Variants in COL4A3 observed in about 807,000 individuals in gnomAD.
The protein encoded by COL4A3 is collagen type IV alpha 3 chain.
In COL4A3, 135 loss-of-function variants were observed where a neutral mutation model predicts 217.4. The ratio of observed to expected loss-of-function variants is 0.62; its 90% CI spans 0.54 to 0.72. The LOEUF (loss-of-function observed/expected upper bound fraction) is 0.72, where lower values mean the gene tolerates loss of function less well. COL4A3 is among the 30% of genes least tolerant of loss of function. The pLI is 0.00. For synonymous variants in COL4A3, 690 were observed against 736.3 expected (o/e 0.94, Z 1.02); for missense variants, 1,868 against 2,119.9 (o/e 0.88, Z 2.33).
intron 1 of COL4A3, among the ~76,000 whole-genome samples, chr2:227,189,834 C>G (rs754694514): frequency 2.6e-5 from 4 of 152,198 alleles, no homozygotes; most frequent in African/African-American, 4.8e-5. Context: ...CTTGTCTTCA[C>G]ATGATGTCTG....
chr2:227,202,746 A>AATATAT (rs56134612), intron 1 of COL4A3, among the ~76,000 whole-genome samples: 2 of 22,218 alleles, frequency 9.0e-5, no homozygotes, highest in African/African-American at 1.2e-4. Context: ...AAAAAAAAAA[A>AATATAT]ATATATATAT....
In COL4A3 at chr2:227,248,506, G is replaced by A. The variant is rs188324379; in HGVS notation, c.532G>A (p.Ala178Thr). 74 of 1,612,546 alleles carry A rather than the reference G, an allele frequency of 4.6e-5. No individual in the cohort carries two copies. In the African/African-American group the frequency reaches 9.3e-4, roughly 20 times the overall value. Residue 178 changes from alanine (A) to threonine (T), a missense_variant, in exon 9 of 52, where the codon GCT becomes ACT. Physicochemically the swap from Ala to Thr is moderately conservative, Grantham distance 58. Around this residue, in one of 2 missense-constraint regions of COL4A3, gnomAD observed 365 missense variants for 333.8 expected, o/e 1.09. Transcript: ENST00000396578. ...DAKGDPGLPG[A>T]PGPQGLPGPP... ...AAAAGGCGACCCCGGGTTGCCAGGGGCTCCAGGACCCCAGGTACAGCACTT... is the reference window on the plus strand; with the variant it reads ...AAAAGGCGACCCCGGGTTGCCAGGGACTCCAGGACCCCAGGTACAGCACTT...
At chr2:227,268,761 G>A (rs372038763) in intron 23 of COL4A3, 6 of 152,018 alleles carry the variant, frequency 3.9e-5, no homozygotes, top group Admixed American at 6.5e-5. Flanking sequence ...AATATCCAGC[G>A]GAAATGTTCT....
chr2:227,178,533 TA>T (rs202101321), intron 1 of COL4A3, among the ~76,000 whole-genome samples: 1 of 145,730 alleles, frequency 6.9e-6, no homozygotes. Flanking sequence ...GTAATGTCAT[TA>T]TTTTATTTTA....
chr2:227,305,417 T>C, intron 47 of COL4A3: 1 of 303,224 alleles, frequency 3.3e-6, no homozygotes, highest in Non-Finnish European at 6.5e-6. Context: ...TTAATAATTA[T>C]TTATAGGAGC....
At chr2:227,294,907 A>C in intron 39 of COL4A3, 57 bp from the exon 40 acceptor site, 1 of 1,373,978 alleles carries the variant, frequency 7.3e-7, no homozygotes, top group South Asian at 1.2e-5. Context: ...GCAAGAAATA[A>C]ATCCTCTTTT....
At position 227,280,886 on chromosome 2, in the gene COL4A3, T is replaced by C. The variant is rs2071915704; in HGVS notation, c.2375-7T>C. 1 of 1,547,460 alleles carries C rather than the reference T, an allele frequency of 6.5e-7. No individual in the cohort carries two copies. Among genetic ancestry groups the C allele is most frequent in the East Asian group, 2.4e-5 (1 of 41,022 alleles). ...ACCTGGGTATATACTTGTGCTTTCTTTTGCAGGAGATCCAGGGCAGCCTGG... is the reference window on the plus strand; with the variant it reads ...ACCTGGGTATATACTTGTGCTTTCTCTTGCAGGAGATCCAGGGCAGCCTGG... On this transcript the variant is annotated splice_region_variant and splice_polypyrimidine_tract_variant and intron_variant, in intron 30 of 51. Transcript: ENST00000396578.
rs2066229002 is a variant in COL4A3, at chr2:227,191,250, G to T, written c.87+26437G>T. Among the ~76,000 whole-genome samples, 1 of 151,856 alleles carries T rather than the reference G, an allele frequency of 6.6e-6. No individual in the cohort carries two copies. The highest frequency in any genetic ancestry group is 2.4e-5 in the African/African-American group (1 of 41,368). ...TGCCAATGACACTCTGCTTGATTTGGAAGTACATTCCTCGTACACATTCCC... is the reference window on the plus strand; with the variant it reads ...TGCCAATGACACTCTGCTTGATTTGTAAGTACATTCCTCGTACACATTCCC... On this transcript the variant is annotated intron_variant, in intron 1 of 51. Transcript: ENST00000396578. The surrounding 1 kb of genome is among the most constrained non-coding windows in gnomAD (Gnocchi z 6.8).
chr2:227,168,751 CT>C (rs2065366067), intron 1 of COL4A3, among the ~76,000 whole-genome samples: 1 of 151,972 alleles, frequency 6.6e-6, no homozygotes, highest in African/African-American at 2.4e-5. Flanking sequence ...TAGTTTAGCT[CT>C]TTTACAGTTA....
In COL4A3 at chr2:227,250,193, G is replaced by A. The variant is rs1235633608; in HGVS notation, c.547-947G>A. On this transcript the variant is annotated intron_variant, in intron 9 of 51. Coordinates refer to ENST00000396578, the MANE Select transcript of COL4A3 (RefSeq NM_000091.5). This position sits in a 1 kb window ranked among gnomAD's most constrained non-coding sequence, Gnocchi z 4.1. The stretch of plus-strand genomic sequence containing the variant: ...CCAGGTGTGGTGGCGTGCGCCTGTA[G>A]TTCCAGCTACTTGGGAGGCTGAGGC... 2.0e-5 allele frequency among the ~76,000 whole-genome samples: 3 copies of A among 152,058 alleles called. No individual in the cohort carries two copies. The highest frequency in any genetic ancestry group is 4.8e-5 in the African/African-American group (2 of 41,394).
In COL4A3 at chr2:227,309,058, T is replaced by C. The variant is rs1574841845; in HGVS notation, c.4622T>C (p.Leu1541Pro). Residue 1541 changes from leucine to proline, a missense_variant, in exon 49 of 52, where the codon CTT (leucine) becomes CCT (proline). Around this residue, in one of 2 missense-constraint regions of COL4A3, gnomAD observed 1,503 missense variants for 1,786.1 expected, o/e 0.84. Transcript: ENST00000396578. ...ATGGCTCCCATTACTGGCAGAGCCC[T>C]TGAGCCTTATATAAGCAGGTAAAAA... ...MNMAPITGRA[L>P]EPYISRCTVC... The C allele has an allele frequency of 1.2e-6, 2 of 1,614,204 alleles. No homozygotes were observed. Among genetic ancestry groups the C allele is most frequent in the Non-Finnish European group, 1.7e-6 (2 of 1,180,032 alleles).
At chr2:227,236,533 T>C (rs12478772) in intron 1 of COL4A3, among the ~76,000 whole-genome samples, 1 of 152,192 alleles carries the variant, frequency 6.6e-6, no homozygotes, top group Admixed American at 6.5e-5. Flanking sequence ...TAGATTTGCC[T>C]GGCCTCTGCC....
intron 13 of COL4A3, 38 bp from the exon 14 acceptor site, chr2:227,254,073 TC>T (rs762555217): frequency 6.4e-7 from 1 of 1,571,258 alleles, no homozygotes; most frequent in African/African-American, 1.4e-5. Context: ...AAATCTCATT[TC>T]ATCCATTTGT....
chr2:227,205,074 A>G (rs1165514715), intron 1 of COL4A3, among the ~76,000 whole-genome samples: 1 of 152,226 alleles, frequency 6.6e-6, no homozygotes, highest in Non-Finnish European at 1.5e-5. Flanking sequence ...ATTTAGAGAG[A>G]AATGTAAATG....
chr2:227,290,972 C>A, intron 37 of COL4A3, 86 bp downstream of exon 37: 2 of 1,460,142 alleles, frequency 1.4e-6, no homozygotes, highest in Non-Finnish European at 1.9e-6. Flanking sequence ...TCGGTGTGGG[C>A]AGAGAAAATT....
rs1438541146 is a variant in COL4A3, at chr2:227,164,713, A to AGC, written c.-7_-6dup. ...GGTCCCCGGACTCGCCCAGGCTCTG[A>AGC]GCGCGCGCCCACCATGAGCGCCCGG... On this transcript the variant is annotated 5_prime_UTR_variant, in exon 1 of 52. Transcript: ENST00000396578. This position sits in a 1 kb window ranked among gnomAD's most constrained non-coding sequence, Gnocchi z 4.8. The AGC allele has an allele frequency of 6.5e-7, 1 of 1,529,252 alleles. No individual in the cohort carries two copies. The highest frequency in any genetic ancestry group is 1.2e-5 in the South Asian group (1 of 83,692). 94.7% of individuals were successfully genotyped at this position (1,529,252 alleles called of 1,614,324 possible). A position where few individuals can be genotyped will look rare whatever the true frequency, so the allele number is the denominator to read the frequency against.
At chr2:227,310,711 T>C in intron 50 of COL4A3, 65 bp from the exon 51 acceptor site, 2 of 1,354,036 alleles carry the variant, frequency 1.5e-6, no homozygotes, top group South Asian at 1.2e-5. Context: ...AAAAAAAAAG[T>C]AGAGAATTGA....
intron 1 of COL4A3, among the ~76,000 whole-genome samples, chr2:227,183,116 C>G (rs2065909077): frequency 6.6e-6 from 1 of 152,118 alleles, no homozygotes. Flanking sequence ...TTGTTATAAG[C>G]TCTTTTTGGC....
chr2:227,203,303 A>G lies in COL4A3; in HGVS notation c.88-34665A>G, dbSNP rs1204264111. Among the ~76,000 whole-genome samples the G allele has an allele frequency of 2.3e-5, 2 of 87,992 alleles. 1 individual carries two copies. Among genetic ancestry groups the G allele is most frequent in the Non-Finnish European group, 4.5e-5 (2 of 44,802 alleles). 57.7% of individuals were successfully genotyped at this position (87,992 alleles called of 152,430 possible). On this transcript the variant is annotated intron_variant, in intron 1 of 51. Coordinates refer to ENST00000396578, the MANE Select transcript of COL4A3 (RefSeq NM_000091.5). ...TGTATATATACATATATGTGTATAT[A>G]TGTGTATATATACATATATGTGTAT...
Sources: gnomAD v4.1 joint callset for allele counts (sites outside exome capture counted in the v4.1 genomes callset) on GRCh38, gnomAD v4.1.1 for gene constraint, gnomAD v4.1.1 regional missense constraint, Gnocchi (gnomAD v3.1) non-coding constraint, MANE v1.5 for transcripts, NCBI Gene and HGNC (gene_info 2026-07-23, HGNC 2026-07-21) for gene names.